Variants in SRGAP1 observed in about 807,000 individuals in gnomAD.
SRGAP1 encodes SLIT-ROBO Rho GTPase-activating protein 1.
SRGAP1 carries 43 observed loss-of-function variants against 121.9 expected under a neutral mutation model. The ratio of observed to expected loss-of-function variants is 0.35; its 90% CI spans 0.28 to 0.46. The LOEUF (loss-of-function observed/expected upper bound fraction) is 0.46, where lower values mean the gene tolerates loss of function less well. SRGAP1 is among the 20% of genes least tolerant of loss of function. The pLI, the probability that SRGAP1 is intolerant of heterozygous loss-of-function variation, is 1.00. For synonymous variants in SRGAP1, 447 were observed against 485.4 expected (o/e 0.92, Z 1.04); for missense variants, 1,102 against 1,350.9 (o/e 0.82, Z 2.89).
At chr12:64,116,713 C>T (rs903307709) in intron 18 of SRGAP1, among the ~76,000 whole-genome samples, 7 of 152,158 alleles carry the variant, frequency 4.6e-5, no homozygotes, top group African/African-American at 1.7e-4. Flanking sequence ...ACATTTTGAA[C>T]ATGTCTTCTA....
At chr12:64,080,621 G>A in intron 10 of SRGAP1, 1 of 542,890 alleles carries the variant, frequency 1.8e-6, no homozygotes, top group Non-Finnish European at 3.4e-6. Flanking sequence ...AGCTCCTAGG[G>A]AGGGATCTTC....
At chr12:63,882,439 G>T (rs1021579006) in intron 1 of SRGAP1, among the ~76,000 whole-genome samples, 3 of 151,874 alleles carry the variant, frequency 2.0e-5, no homozygotes, top group Non-Finnish European at 4.4e-5. Flanking sequence ...CCGCAACCAC[G>T]CCTGGCTAAG....
chr12:63,915,471 A>G (rs912893948), intron 1 of SRGAP1, among the ~76,000 whole-genome samples: 5 of 152,226 alleles, frequency 3.3e-5, no homozygotes, highest in Non-Finnish European at 5.9e-5. Flanking sequence ...TAATTTGATA[A>G]AAAATTATGA....
chr12:63,861,526 T>C (rs539498730), intron 1 of SRGAP1, among the ~76,000 whole-genome samples: 1 of 152,196 alleles, frequency 6.6e-6, no homozygotes, highest in South Asian at 2.1e-4. Flanking sequence ...CTTGAACTCC[T>C]GACCTCAAGT....
At chr12:64,032,416 C>A in intron 4 of SRGAP1, 1 of 617,170 alleles carries the variant, frequency 1.6e-6, no homozygotes, top group South Asian at 1.7e-5. Context: ...CCTCATCAGT[C>A]AGATCTCTGG....
intron 1 of SRGAP1, among the ~76,000 whole-genome samples, chr12:63,980,932 AT>A (rs1391934507): frequency 6.6e-6 from 1 of 151,988 alleles, no homozygotes; most frequent in Admixed American, 6.6e-5. Context: ...TTTTCTGTTG[AT>A]TTTTTAAAAA....
At chr12:64,083,178 A>C (rs2035877801) in intron 10 of SRGAP1, among the ~76,000 whole-genome samples, 2 of 152,180 alleles carry the variant, frequency 1.3e-5, no homozygotes, top group African/African-American at 4.8e-5. Flanking sequence ...GCTCTTATGG[A>C]GGAATCTGAG....
At chr12:64,007,167 A>T (rs1411944537) in intron 3 of SRGAP1, among the ~76,000 whole-genome samples, 1 of 152,142 alleles carries the variant, frequency 6.6e-6, no homozygotes, top group East Asian at 1.9e-4. Flanking sequence ...ATGAACCGTT[A>T]TCTGTGAGGC....
intron 1 of SRGAP1, among the ~76,000 whole-genome samples, chr12:63,971,282 A>T (rs1449943844): frequency 6.6e-6 from 1 of 152,218 alleles, no homozygotes; most frequent in Non-Finnish European, 1.5e-5. Flanking sequence ...ATAATTATAC[A>T]ACTAATAGTT....
intron 10 of SRGAP1, among the ~76,000 whole-genome samples, chr12:64,085,160 G>A (rs368149470): frequency 4.6e-5 from 7 of 152,052 alleles, no homozygotes; most frequent in African/African-American, 7.3e-5. Flanking sequence ...TACTAATAGC[G>A]TGACCTTGGG....
chr12:63,991,734 G>A (rs1310288977), intron 3 of SRGAP1, among the ~76,000 whole-genome samples: 1 of 152,186 alleles, frequency 6.6e-6, no homozygotes, highest in African/African-American at 2.4e-5. Context: ...TGGTGCTCAA[G>A]GAGGTCACAA....
At chr12:63,851,702 T>C (rs1899080212) in intron 1 of SRGAP1, among the ~76,000 whole-genome samples, 1 of 151,386 alleles carries the variant, frequency 6.6e-6, no homozygotes, top group Non-Finnish European at 1.5e-5. Flanking sequence ...GTAGCTAGGA[T>C]TACAGGCATG....
rs1592366553 is a variant in SRGAP1 at position 64,151,154 on chromosome 12, G to T, written c.*8482G>T. 6.6e-6 allele frequency: 1 copy of T among 151,922 alleles called. No individual in the cohort carries two copies. Among genetic ancestry groups the T allele is most frequent in the East Asian group, 1.9e-4 (1 of 5,188 alleles). The allele number at this position is 151,922 out of a possible 1,614,324, so 9.4% of individuals were successfully genotyped here. ...TAGACTTCAACAAATACCAACCCAT[G>T]CCTCCATTTCCCAAACAGAAATAAT... On this transcript the variant is annotated 3_prime_UTR_variant, in exon 22 of 22. Transcript: ENST00000355086.
intron 1 of SRGAP1, among the ~76,000 whole-genome samples, chr12:63,940,152 G>A (rs2031814126): frequency 6.6e-6 from 1 of 151,770 alleles, no homozygotes. Flanking sequence ...AGTAGAGATG[G>A]GGTTTCACCA....
At chr12:63,945,983 C>T (rs11175212) in intron 1 of SRGAP1, among the ~76,000 whole-genome samples, 229 of 150,082 alleles carry the variant, frequency 1.5e-3, no homozygotes, top group African/African-American at 5.5e-3. Flanking sequence ...TACCTTCCTA[C>T]CTGGTTCACC....
intron 1 of SRGAP1, among the ~76,000 whole-genome samples, chr12:63,900,651 A>G (rs1248978183): frequency 6.6e-6 from 1 of 152,008 alleles, no homozygotes; most frequent in Non-Finnish European, 1.5e-5. Flanking sequence ...TGTCTCTACT[A>G]AAAACACAAA....
chr12:64,095,752 T>C (rs2036144069), intron 14 of SRGAP1, among the ~76,000 whole-genome samples: 1 of 152,198 alleles, frequency 6.6e-6, no homozygotes, highest in Non-Finnish European at 1.5e-5. Flanking sequence ...TTAACTATTA[T>C]GGGTACGTAA....
At chr12:63,971,447 T>C (rs1176726376) in intron 1 of SRGAP1, among the ~76,000 whole-genome samples, 2 of 152,358 alleles carry the variant, frequency 1.3e-5, no homozygotes, top group African/African-American at 2.4e-5. Context: ...ACTTGTTCCT[T>C]GTTGACTAGA....
intron 1 of SRGAP1, among the ~76,000 whole-genome samples, chr12:63,922,657 T>C (rs11175208): frequency 0.44 from 66,486 of 152,128 alleles, 14,795 homozygotes; most frequent in African/African-American, 0.52. Flanking sequence ...TAGTTGCTCA[T>C]GTTAGAGCAA....
Sources: allele counts gnomAD v4.1 joint callset (sites outside exome capture counted in the v4.1 genomes callset), GRCh38; gene constraint gnomAD v4.1.1; transcripts MANE v1.5; gene names NCBI Gene and HGNC (gene_info 2026-07-23, HGNC 2026-07-21).